MFSD6: variants seen among roughly 807,000 people sequenced by gnomAD.
MFSD6 encodes major facilitator superfamily domain-containing protein 6.
In MFSD6, 26 loss-of-function variants were observed where a neutral mutation model predicts 56.3. The ratio of observed to expected loss-of-function variants is 0.46; its 90% CI spans 0.34 to 0.64. The LOEUF is 0.64. MFSD6 is among the 30% of genes least tolerant of loss of function. MFSD6 has a pLI of 0.01. For missense variants in MFSD6, 750 were observed against 986.2 expected, an observed-to-expected ratio of 0.76 and a Z score of 3.21; for synonymous variants, 331 against 366.9, an observed-to-expected ratio of 0.90 and a Z score of 1.12.
In MFSD6 at chr2:190,488,085, TAG is replaced by T. The variant is rs1182796364; in HGVS notation, c.1631-568_1631-567del. ...GCCAGGCTAATTTTTTGTATTTTAG[TAG>T]AGACAGGGTTTCACCATGTTGGCCA... On this transcript the variant is annotated intron_variant, in intron 4 of 7. Coordinates refer to ENST00000392328, the MANE Select transcript of MFSD6 (RefSeq NM_017694.4). The surrounding 1 kb of genome is among the most constrained non-coding windows in gnomAD (Gnocchi z 6.4). Among the ~76,000 whole-genome samples the T allele has an allele frequency of 6.6e-6, 1 of 152,148 alleles. No homozygotes were observed. The highest frequency in any genetic ancestry group is 3.2e-3 in the Middle Eastern group (1 of 316).
chr2:190,465,326 TTATTAC>T lies in MFSD6; in HGVS notation c.1533-4429_1533-4424del, dbSNP rs1321044121. ...AATTGCCTTTGTTTCTTGTCTATTT[TTATTAC>T]TACTGACTTCCTGTTCTGAAATAGG... On this transcript the variant is annotated intron_variant, in intron 3 of 7. Coordinates refer to ENST00000392328, the MANE Select transcript of MFSD6 (RefSeq NM_017694.4). The surrounding 1 kb of genome is among the most constrained non-coding windows in gnomAD (Gnocchi z 4.6). Among the ~76,000 whole-genome samples the T allele has an allele frequency of 6.6e-6, 1 of 152,220 alleles. No individual in the cohort carries two copies. The highest frequency in any genetic ancestry group is 1.5e-5 in the Non-Finnish European group (1 of 68,036).
chr2:190,409,434 A>G (rs1690461856), intron 1 of MFSD6, among the ~76,000 whole-genome samples: 1 of 152,148 alleles, frequency 6.6e-6, no homozygotes, highest in Non-Finnish European at 1.5e-5. Context: ...AGTGTGCAAA[A>G]GACTTAAAGA....
In MFSD6 at chr2:190,410,570, G is replaced by T. The variant is rs1241244291; in HGVS notation, c.-176+2067G>T. On this transcript the variant is annotated intron_variant, in intron 1 of 7. Coordinates refer to ENST00000392328, the MANE Select transcript of MFSD6 (RefSeq NM_017694.4). The surrounding 1 kb of genome is among the most constrained non-coding windows in gnomAD (Gnocchi z 4.4). ...ATTTATTACGTATGTATATTAATGT[G>T]TGTATGTTTACCCTTTTGTCCTCAC... 6.6e-6 allele frequency among the ~76,000 whole-genome samples: 1 copy of T among 152,192 alleles called. No homozygotes were observed. Among genetic ancestry groups the T allele is most frequent in the African/African-American group, 2.4e-5 (1 of 41,436 alleles).
chr2:190,452,327 GATA>G (rs557192937), intron 3 of MFSD6, among the ~76,000 whole-genome samples: 113 of 151,946 alleles, frequency 7.4e-4, no homozygotes, highest in African/African-American at 2.6e-3. Context: ...ATAATTATGG[GATA>G]ATATTTTAAA....
intron 1 of MFSD6, chr2:190,411,135 T>A: frequency 1.0e-6 from 1 of 983,710 alleles, no homozygotes; most frequent in Non-Finnish European, 1.2e-6. Context: ...CACATACGCC[T>A]TTTTGTCCCC....
rs1386576438 is a variant in MFSD6 at position 190,501,883 on chromosome 2, T to C, written c.*1665T>C. 4 of 152,658 alleles carry C rather than the reference T, an allele frequency of 2.6e-5. No individual in the cohort carries two copies. Among genetic ancestry groups the C allele is most frequent in the South Asian group, 2.1e-4 (1 of 4,836 alleles). 9.5% of individuals were successfully genotyped at this position (152,658 alleles called of 1,614,324 possible). A position where few individuals can be genotyped will look rare whatever the true frequency, so the allele number is the denominator to read the frequency against. On this transcript the variant is annotated 3_prime_UTR_variant, in exon 8 of 8. Coordinates refer to ENST00000392328, the MANE Select transcript of MFSD6 (RefSeq NM_017694.4). ...TGTATTTATTATGCTTGTGTAATTATAGAAATAAAGAAATGGGTGACAGGC... is the reference window on the plus strand; with the variant it reads ...TGTATTTATTATGCTTGTGTAATTACAGAAATAAAGAAATGGGTGACAGGC...
chr2:190,444,547 T>A (rs993053449), intron 3 of MFSD6, among the ~76,000 whole-genome samples: 12 of 152,248 alleles, frequency 7.9e-5, no homozygotes, highest in Non-Finnish European at 8.8e-5. Context: ...TTCTTTTTAG[T>A]GTAGGGGAGA....
chr2:190,457,034 G>A lies in MFSD6; in HGVS notation c.1533-12724G>A, dbSNP rs1482656830. 6.6e-6 allele frequency among the ~76,000 whole-genome samples: 1 copy of A among 151,970 alleles called. No homozygotes were observed. Among genetic ancestry groups the A allele is most frequent in the Non-Finnish European group, 1.5e-5 (1 of 67,980 alleles). ...GCTTCCTTAATCCGCGCGCACAGCT[G>A]AGTTCAGAAGTCCAGAAGTCTATCT... On this transcript the variant is annotated intron_variant, in intron 3 of 7. Transcript: ENST00000392328. This position sits in a 1 kb window ranked among gnomAD's most constrained non-coding sequence, Gnocchi z 5.1.
In MFSD6 at chr2:190,443,732, T is replaced by C. The variant is rs1686470188; in HGVS notation, c.1532+6171T>C. ...GATACAGCCTTTATATAATAGAATC[T>C]TTTGCTCTTATAAACAAAGGTTGTC... On this transcript the variant is annotated intron_variant, in intron 3 of 7. Transcript: ENST00000392328. This position sits in a 1 kb window ranked among gnomAD's most constrained non-coding sequence, Gnocchi z 4.2. Among the ~76,000 whole-genome samples the C allele has an allele frequency of 6.6e-6, 1 of 152,196 alleles. No homozygotes were observed. The highest frequency in any genetic ancestry group is 1.5e-5 in the Non-Finnish European group (1 of 68,028).
chr2:190,500,369 A>C lies in MFSD6; in HGVS notation c.*151A>C. 1.3e-6 allele frequency: 1 copy of C among 765,434 alleles called. No homozygotes were observed. Among genetic ancestry groups the C allele is most frequent in the Non-Finnish European group, 2.1e-6 (1 of 481,656 alleles). The allele number at this position is 765,434 out of a possible 1,614,324, so 47.4% of individuals were successfully genotyped here. A position where few individuals can be genotyped will look rare whatever the true frequency, so the allele number is the denominator to read the frequency against. ...TAAACTCATTAACATGGAAACACAC[A>C]CACAGGAGCTACAGTACATATTGGC... is the stretch of plus-strand genomic sequence containing the variant. On this transcript the variant is annotated 3_prime_UTR_variant, in exon 8 of 8. Coordinates refer to ENST00000392328, the MANE Select transcript of MFSD6 (RefSeq NM_017694.4). The surrounding 1 kb of genome is among the most constrained non-coding windows in gnomAD (Gnocchi z 5.3).
At position 190,449,878 on chromosome 2, in the gene MFSD6, G is replaced by T. The variant is rs111496708; in HGVS notation, c.1532+12317G>T. The stretch of plus-strand genomic sequence containing the variant: ...GGGGACTGTTGTGGGGTGGGGGAAG[G>T]GGGGAGGAATAGCTTTAGGAGATAT... On this transcript the variant is annotated intron_variant, in intron 3 of 7. Coordinates refer to ENST00000392328, the MANE Select transcript of MFSD6 (RefSeq NM_017694.4). Among the ~76,000 whole-genome samples the T allele has an allele frequency of 4.6e-4, 70 of 151,942 alleles. 1 individual carries two copies. The South Asian group carries it at 6.9e-3, about 15-fold the overall frequency.
chr2:190,435,702 C>T (rs1686154766), intron 2 of MFSD6, among the ~76,000 whole-genome samples: 2 of 152,086 alleles, frequency 1.3e-5, no homozygotes, highest in East Asian at 3.8e-4. Flanking sequence ...GTACATTTTC[C>T]CTGGGAATCA....
intron 4 of MFSD6, among the ~76,000 whole-genome samples, chr2:190,473,396 A>G (rs536396730): frequency 2.0e-4 from 30 of 152,324 alleles, no homozygotes; most frequent in African/African-American, 7.0e-4. Context: ...AGGAAGATCT[A>G]CCAAGCAAAT....
In MFSD6 at chr2:190,488,548, C is replaced by A; in HGVS notation, c.1631-109C>A. ...TGGTAAATTTTTAATGTATGTTTTC[C>A]CACAACAAATCTTAAAAATAGGTGC... On this transcript the variant is annotated intron_variant, in intron 4 of 7. Coordinates refer to ENST00000392328, the MANE Select transcript of MFSD6 (RefSeq NM_017694.4). This position sits in a 1 kb window ranked among gnomAD's most constrained non-coding sequence, Gnocchi z 6.4. 2.8e-6 allele frequency: 3 copies of A among 1,055,728 alleles called. No homozygotes were observed. The highest frequency in any genetic ancestry group is 1.3e-6 in the Non-Finnish European group (1 of 777,366). The allele number at this position is 1,055,728 out of a possible 1,614,324, so 65.4% of individuals were successfully genotyped here. A position where few individuals can be genotyped will look rare whatever the true frequency, so the allele number is the denominator to read the frequency against.
Position 190,424,104 on chromosome 2 carries a change from CA to C in MFSD6, c.-54+8692del, listed in dbSNP as rs1685714700. On this transcript the variant is annotated intron_variant, in intron 2 of 7. Transcript: ENST00000392328. The surrounding 1 kb of genome is among the most constrained non-coding windows in gnomAD (Gnocchi z 5.9). ...GTAGCTTGTGTTTTCATCCTCTTTG[CA>C]GAGTCTTTTAAAGAGCAAAAGTTTT... Among the ~76,000 whole-genome samples the C allele has an allele frequency of 6.6e-6, 1 of 152,138 alleles. No individual in the cohort carries two copies. The highest frequency in any genetic ancestry group is 2.1e-4 in the South Asian group (1 of 4,830).
At position 190,412,243 on chromosome 2, in the gene MFSD6, A is replaced by G; in HGVS notation, c.-175-3049A>G. The G allele has an allele frequency of 1.0e-6, 1 of 984,980 alleles. No individual in the cohort carries two copies. 61.0% of individuals were successfully genotyped at this position (984,980 alleles called of 1,614,324 possible). On this transcript the variant is annotated intron_variant, in intron 1 of 7. Coordinates refer to ENST00000392328, the MANE Select transcript of MFSD6 (RefSeq NM_017694.4). This position sits in a 1 kb window ranked among gnomAD's most constrained non-coding sequence, Gnocchi z 4.1. ...ATTCAGACTTTTCAGAATCAAGAAAACACATGCTTAAACTTGGTTAATTAT... is the reference window on the plus strand; with the variant it reads ...ATTCAGACTTTTCAGAATCAAGAAAGCACATGCTTAAACTTGGTTAATTAT...
intron 2 of MFSD6, among the ~76,000 whole-genome samples, chr2:190,421,859 CT>C (rs1284943197): frequency 6.6e-6 from 1 of 152,036 alleles, no homozygotes. Flanking sequence ...ATTCTTGTAT[CT>C]GTATTTCTTG....
chr2:190,477,457 G>T, intron 4 of MFSD6: 1 of 747,562 alleles, frequency 1.3e-6, no homozygotes, highest in South Asian at 6.1e-5. Flanking sequence ...AGTTTAAAAT[G>T]AGTTAGGTGG....
In MFSD6 at chr2:190,470,232, A is replaced by G. The variant is rs529041940; in HGVS notation, c.1630+377A>G. The stretch of plus-strand genomic sequence containing the variant: ...TTTGTAGGTTAACTATAGTTACTGA[A>G]AAAAAGATTGTTGTCATAATTATTT... On this transcript the variant is annotated intron_variant, in intron 4 of 7. Transcript: ENST00000392328. Among the ~76,000 whole-genome samples, 3 of 152,338 alleles carry G rather than the reference A, an allele frequency of 2.0e-5. No homozygotes were observed. In the East Asian group the frequency reaches 5.8e-4, roughly 29 times the overall value.
Sources: allele counts gnomAD v4.1 joint callset (sites outside exome capture counted in the v4.1 genomes callset), GRCh38; gene constraint gnomAD v4.1.1; non-coding constraint Gnocchi (gnomAD v3.1); transcripts MANE v1.5; gene names NCBI Gene and HGNC (gene_info 2026-07-23, HGNC 2026-07-21).